DGKI: variants seen among roughly 807,000 people sequenced by gnomAD.
DGKI encodes diacylglycerol kinase iota.
DGKI carries 55 observed loss-of-function variants against 147.5 expected under a neutral mutation model. The observed-to-expected ratio is 0.37, with a 90% CI of 0.30 to 0.47. The LOEUF (loss-of-function observed/expected upper bound fraction) is 0.47. DGKI is among the 20% of genes least tolerant of loss of function. DGKI has a pLI of 1.00. For missense variants in DGKI, 1,007 were observed against 1,323.8 expected (o/e 0.76, Z 3.71); for synonymous variants, 469 against 477.1 (o/e 0.98, Z 0.22).
chr7:137,588,512 G>T (rs1019126467), intron 12 of DGKI, among the ~76,000 whole-genome samples: 3 of 138,682 alleles, frequency 2.2e-5, no homozygotes, highest in African/African-American at 8.4e-5. Flanking sequence ...AGTCTCAATC[G>T]GTCGTCCAGG....
At chr7:137,465,379 T>C (rs1466289875) in intron 26 of DGKI, among the ~76,000 whole-genome samples, 1 of 152,188 alleles carries the variant, frequency 6.6e-6, no homozygotes, top group East Asian at 1.9e-4. Context: ...TGAGTGAGGA[T>C]TATTGTTATT....
At chr7:137,583,107 T>C (rs1819262694) in intron 14 of DGKI, among the ~76,000 whole-genome samples, 1 of 152,108 alleles carries the variant, frequency 6.6e-6, no homozygotes, top group South Asian at 2.1e-4. Flanking sequence ...ACAAGACAGA[T>C]ATAAATGCAG....
At chr7:137,612,221 C>CT (rs551204704) in intron 8 of DGKI, among the ~76,000 whole-genome samples, 9,615 of 113,926 alleles carry the variant, frequency 0.084, 1,096 homozygotes, top group African/African-American at 0.25. Flanking sequence ...ACAAAACGGG[C>CT]TTTTTTTTTT....
chr7:137,808,118 CT>C (rs1182310117), intron 1 of DGKI, among the ~76,000 whole-genome samples: 1 of 152,158 alleles, frequency 6.6e-6, no homozygotes, highest in Non-Finnish European at 1.5e-5. Flanking sequence ...TGTGTTTTAA[CT>C]GTAATCTCTT....
At chr7:137,484,713 G>T (rs1815492795) in intron 23 of DGKI, among the ~76,000 whole-genome samples, 1 of 152,030 alleles carries the variant, frequency 6.6e-6, no homozygotes, top group Non-Finnish European at 1.5e-5. Flanking sequence ...AAAGTCTGCT[G>T]GGATAAAGAA....
chr7:137,814,946 T>A (rs1797697226), intron 1 of DGKI, among the ~76,000 whole-genome samples: 2 of 152,138 alleles, frequency 1.3e-5, no homozygotes, highest in African/African-American at 4.8e-5. Flanking sequence ...TCAAGACATC[T>A]CCAGTTTGGA....
At chr7:137,498,800 C>A (rs1181075460) in intron 21 of DGKI, among the ~76,000 whole-genome samples, 3 of 152,078 alleles carry the variant, frequency 2.0e-5, no homozygotes, top group Non-Finnish European at 4.4e-5. Context: ...ACTATATTAC[C>A]CCCTGACATG....
chr7:137,606,115 A>T (rs189521474), intron 10 of DGKI, among the ~76,000 whole-genome samples: 1 of 152,218 alleles, frequency 6.6e-6, no homozygotes, highest in Non-Finnish European at 1.5e-5. Flanking sequence ...AAAAAATTAA[A>T]GAGTTTTAAA....
chr7:137,482,079 T>C (rs766559829), intron 23 of DGKI, among the ~76,000 whole-genome samples: 1 of 152,078 alleles, frequency 6.6e-6, no homozygotes, highest in Admixed American at 6.6e-5. Flanking sequence ...AGATTTAGTA[T>C]TAAATTTCCT....
At chr7:137,763,640 G>A (rs1795925538) in intron 1 of DGKI, among the ~76,000 whole-genome samples, 1 of 152,144 alleles carries the variant, frequency 6.6e-6, no homozygotes, top group African/African-American at 2.4e-5. Context: ...CAGCTTTCCA[G>A]CTCCTGTCCC....
chr7:137,702,047 T>C (rs1824002389), intron 1 of DGKI, among the ~76,000 whole-genome samples: 1 of 151,996 alleles, frequency 6.6e-6, no homozygotes, highest in Non-Finnish European at 1.5e-5. Flanking sequence ...AACAATCCAA[T>C]GGAGAGAAGG....
intron 21 of DGKI, among the ~76,000 whole-genome samples, chr7:137,496,468 T>A (rs919610446): frequency 1.3e-5 from 2 of 151,618 alleles, no homozygotes; most frequent in Admixed American, 1.3e-4. Flanking sequence ...ATTTTAAAAA[T>A]CATATGAACC....
chr7:137,632,719 C>T (rs550960467), intron 6 of DGKI, among the ~76,000 whole-genome samples: 42 of 152,040 alleles, frequency 2.8e-4, no homozygotes, highest in Non-Finnish European at 3.8e-4. Flanking sequence ...ATTAGCTGGG[C>T]GTGGTGGCAC....
chr7:137,639,776 T>C (rs1821556265), intron 6 of DGKI, among the ~76,000 whole-genome samples: 1 of 152,126 alleles, frequency 6.6e-6, no homozygotes, highest in Admixed American at 6.6e-5. Flanking sequence ...AGTAAAATGG[T>C]TCTACAGATG....
At chr7:137,393,400 T>C (rs1471638738) in intron 32 of DGKI, among the ~76,000 whole-genome samples, 1 of 152,168 alleles carries the variant, frequency 6.6e-6, no homozygotes, top group African/African-American at 2.4e-5. Flanking sequence ...CTTCTCTCTG[T>C]TTTTAAAATG....
At chr7:137,546,145 A>G (rs1338468653) in intron 20 of DGKI, among the ~76,000 whole-genome samples, 5 of 152,188 alleles carry the variant, frequency 3.3e-5, no homozygotes, top group African/African-American at 1.2e-4. Flanking sequence ...ATCCAAAAAA[A>G]GCCGGTGATA....
chr7:137,431,967 T>C (rs995574279), intron 28 of DGKI, among the ~76,000 whole-genome samples: 1 of 152,108 alleles, frequency 6.6e-6, no homozygotes, highest in Non-Finnish European at 1.5e-5. Flanking sequence ...TGATGGGAGG[T>C]GATTGGATCA....
chr7:137,406,687 T>C (rs1336152626), intron 30 of DGKI, among the ~76,000 whole-genome samples: 4 of 152,214 alleles, frequency 2.6e-5, no homozygotes, highest in African/African-American at 9.6e-5. Flanking sequence ...GCTTGATAAA[T>C]GGTAGCTATG....
intron 1 of DGKI, among the ~76,000 whole-genome samples, chr7:137,753,526 C>T (rs907880409): frequency 5.3e-5 from 8 of 152,160 alleles, no homozygotes; most frequent in Non-Finnish European, 8.8e-5. Flanking sequence ...CCCAAAGGAA[C>T]GGAACAGAGT....
Sources: gnomAD v4.1 joint callset for allele counts (sites outside exome capture counted in the v4.1 genomes callset) on GRCh38, gnomAD v4.1.1 for gene constraint, MANE v1.5 for transcripts, NCBI Gene and HGNC (gene_info 2026-07-23, HGNC 2026-07-21) for gene names.